Variants in EBAG9 observed in about 807,000 individuals in gnomAD.
EBAG9 encodes receptor-binding cancer antigen expressed on SiSo cells.
EBAG9 carries 16 observed loss-of-function variants against 30.9 expected under a neutral mutation model. That is an observed-to-expected ratio of 0.52 (90% CI 0.35 to 0.79). The LOEUF (loss-of-function observed/expected upper bound fraction) is 0.79. Ranked by LOEUF, EBAG9 falls within the 30% of genes least tolerant of loss-of-function variation. The pLI is 0.01. For synonymous variants in EBAG9, 93 were observed against 82.8 expected (o/e 1.12, Z -0.67); for missense variants, 197 against 242.1 (o/e 0.81, Z 1.24).
chr8:109,562,963 A>C (rs192798698), intron 6 of EBAG9, among the ~76,000 whole-genome samples: 42 of 151,970 alleles, frequency 2.8e-4, no homozygotes, highest in African/African-American at 9.4e-4. Flanking sequence ...CCAGGTCAAA[A>C]CTTCGTTATC....
At chr8:109,542,024 A>G (rs1821287196) in intron 1 of EBAG9, among the ~76,000 whole-genome samples, 1 of 152,162 alleles carries the variant, frequency 6.6e-6, no homozygotes, top group African/African-American at 2.4e-5. Context: ...AAATATACCT[A>G]GGTTTGAATG....
At chr8:109,543,135 CTTTTTTTTTTTTTTT>C (rs557388998) in intron 1 of EBAG9, among the ~76,000 whole-genome samples, 1,028 of 52,936 alleles carry the variant, frequency 0.019, 25 homozygotes, top group Middle Eastern at 0.041. Flanking sequence ...TATTCTGGTT[CTTTTTTTTTTTTTTT>C]TTTTTTTTTT....
chr8:109,564,685 T>C lies in EBAG9; in HGVS notation c.*126T>C. The C allele has an allele frequency of 4.0e-5, 54 of 1,340,164 alleles. No individual in the cohort carries two copies. Among genetic ancestry groups the C allele is most frequent in the Middle Eastern group, 2.0e-4 (1 of 4,934 alleles). 83.0% of individuals were successfully genotyped at this position (1,340,164 alleles called of 1,614,324 possible). A position where few individuals can be genotyped will look rare whatever the true frequency, so the allele number is the denominator to read the frequency against. On this transcript the variant is annotated 3_prime_UTR_variant, in exon 7 of 7. Transcript: ENST00000337573. Reference sequence around the variant, plus strand: ...TGATTTTAATACATTGATCAGGCCATCCAGGACACCACGATTCTCCCAAAG... The same window carrying C: ...TGATTTTAATACATTGATCAGGCCACCCAGGACACCACGATTCTCCCAAAG...
intron 6 of EBAG9, among the ~76,000 whole-genome samples, chr8:109,562,422 T>C (rs1213746477): frequency 6.6e-6 from 1 of 152,086 alleles, no homozygotes; most frequent in African/African-American, 2.4e-5. Context: ...ATGCCGCAAG[T>C]ACATAGGTAG....
chr8:109,564,588 G>A lies in EBAG9; in HGVS notation c.*29G>A, dbSNP rs1821780470. Reference sequence around the variant, plus strand: ...ATGTTCAAATTTTATCATGCCAGTAGGAGAAATCTCAGCTCCACAACCCAA... The same window carrying A: ...ATGTTCAAATTTTATCATGCCAGTAAGAGAAATCTCAGCTCCACAACCCAA... On this transcript the variant is annotated 3_prime_UTR_variant, in exon 7 of 7. Coordinates refer to ENST00000337573, the MANE Select transcript of EBAG9 (RefSeq NM_004215.5). 1 of 1,608,200 alleles carries A rather than the reference G, an allele frequency of 6.2e-7. No individual in the cohort carries two copies. The highest frequency in any genetic ancestry group is 1.1e-5 in the South Asian group (1 of 90,726).
At chr8:109,547,051 G>A (rs1821399049) in intron 1 of EBAG9, among the ~76,000 whole-genome samples, 1 of 151,744 alleles carries the variant, frequency 6.6e-6, no homozygotes, top group Admixed American at 6.6e-5. Flanking sequence ...TTTTGAGACG[G>A]AGTCCTGCTC....
intron 1 of EBAG9, among the ~76,000 whole-genome samples, chr8:109,543,135 CTTTTTTTTTTTTTTTT>C (rs557388998): frequency 0.33 from 17,771 of 53,948 alleles, 3,578 homozygotes; most frequent in African/African-American, 0.58. Flanking sequence ...TATTCTGGTT[CTTTTTTTTTTTTTTTT>C]TTTTTTTTTT....
At chr8:109,554,950 G>T in intron 4 of EBAG9, 63 bp downstream of exon 4, 19 of 1,465,320 alleles carry the variant, frequency 1.3e-5, no homozygotes, top group South Asian at 5.4e-5. Flanking sequence ...GTTAAAATTA[G>T]GTGATACAAT....
chr8:109,564,313 G>T (rs1007745300), intron 6 of EBAG9, 126 bp from the exon 7 acceptor site: 4 of 1,305,422 alleles, frequency 3.1e-6, no homozygotes, highest in Non-Finnish European at 4.2e-6. Context: ...AAATTAGTGA[G>T]AAAATTTTAA....
intron 5 of EBAG9, among the ~76,000 whole-genome samples, chr8:109,559,110 T>G (rs1306381940): frequency 6.6e-6 from 1 of 152,126 alleles, no homozygotes; most frequent in Non-Finnish European, 1.5e-5. Context: ...AATGGGAAAT[T>G]TACAAATAAG....
intron 1 of EBAG9, among the ~76,000 whole-genome samples, chr8:109,544,092 G>T (rs1212500387): frequency 6.6e-6 from 1 of 150,650 alleles, no homozygotes; most frequent in African/African-American, 2.4e-5. Flanking sequence ...TATCCAGGAT[G>T]ATTTTACTCC....
intron 6 of EBAG9, 107 bp from the exon 7 acceptor site, chr8:109,564,332 A>C: frequency 7.0e-7 from 1 of 1,421,854 alleles, no homozygotes; most frequent in Non-Finnish European, 9.5e-7. Context: ...AAGACTTTCA[A>C]CATTTTATTT....
chr8:109,548,947 A>G (rs1821441474), intron 1 of EBAG9, among the ~76,000 whole-genome samples: 1 of 149,396 alleles, frequency 6.7e-6, no homozygotes. Flanking sequence ...ATGTTGACTA[A>G]AAGTAGAAAA....
At chr8:109,551,129 C>G (rs928047378) in intron 2 of EBAG9, among the ~76,000 whole-genome samples, 2 of 151,982 alleles carry the variant, frequency 1.3e-5, no homozygotes, top group Non-Finnish European at 2.9e-5. Flanking sequence ...CTTACACTTT[C>G]CACTAAAATA....
intron 2 of EBAG9, among the ~76,000 whole-genome samples, chr8:109,551,181 TTA>T (rs1821487243): frequency 6.6e-6 from 1 of 152,094 alleles, no homozygotes; most frequent in Admixed American, 6.5e-5. Flanking sequence ...CCAACTTTCA[TTA>T]TTATAATCAT....
At chr8:109,556,746 T>G (rs889696730) in intron 4 of EBAG9, among the ~76,000 whole-genome samples, 189 bp from the exon 5 acceptor site, 2 of 152,106 alleles carry the variant, frequency 1.3e-5, no homozygotes, top group African/African-American at 4.8e-5. Context: ...AAATACAATT[T>G]TTCTTAGTAT....
intron 5 of EBAG9, among the ~76,000 whole-genome samples, chr8:109,559,227 C>T (rs899804510): frequency 3.3e-5 from 5 of 152,032 alleles, no homozygotes; most frequent in Admixed American, 2.6e-4. Flanking sequence ...GAGGCCAAGG[C>T]GGGCAGGTCA....
At chr8:109,549,449 A>G (rs1253684382) in intron 1 of EBAG9, among the ~76,000 whole-genome samples, 3 of 151,980 alleles carry the variant, frequency 2.0e-5, no homozygotes, top group Admixed American at 6.6e-5. Context: ...GGCAGTTTGT[A>G]TAGAATTGGT....
At position 109,560,885 on chromosome 8, in the gene EBAG9, GGAA is replaced by G. The variant is rs763400197; in HGVS notation, c.489_491del (p.Glu163del). 1.5e-4 allele frequency: 243 copies of G among 1,612,564 alleles called. No homozygotes were observed. Among genetic ancestry groups the G allele is most frequent in the Non-Finnish European group, 1.9e-4 (221 of 1,179,262 alleles). On this transcript the variant is annotated inframe_deletion, in exon 6 of 7. Transcript: ENST00000337573. Reference sequence around the variant, plus strand: ...CCTGGCAGGAAAATACCAATGCATGGGAAGAAGAAGAAGATGCAGCCTGGCAAG... The same window carrying G: ...CCTGGCAGGAAAATACCAATGCATGGGAAGAAGAAGATGCAGCCTGGCAAG...
Sources: allele counts gnomAD v4.1 joint callset (sites outside exome capture counted in the v4.1 genomes callset), GRCh38; gene constraint gnomAD v4.1.1; transcripts MANE v1.5; gene names NCBI Gene and HGNC (gene_info 2026-07-23, HGNC 2026-07-21).